The following ADRA1B variants were observed in gnomAD, a reference collection of about 807,000 sequenced individuals.
ADRA1B encodes the protein alpha-1B adrenergic receptor.
A neutral mutation model predicts 17.9 loss-of-function variants in ADRA1B; 17 were observed. The ratio of observed to expected loss-of-function variants is 0.95; its 90% CI spans 0.65 to 1.42. The LOEUF (loss-of-function observed/expected upper bound fraction) is 1.42. Among genes scored for constraint, ADRA1B ranks in the 40% most tolerant of loss-of-function variants. The pLI is 0.00. For missense variants in ADRA1B, 681 were observed against 722.1 expected, an observed-to-expected ratio of 0.94 and a Z score of 0.65; for synonymous variants, 366 against 327.6, an observed-to-expected ratio of 1.12 and a Z score of -1.27.
chr5:159,948,856 A>G (rs1755349187), intron 1 of ADRA1B, among the ~76,000 whole-genome samples: 1 of 152,194 alleles, frequency 6.6e-6, no homozygotes, highest in Non-Finnish European at 1.5e-5. Context: ...TTGAGTATTT[A>G]TTTTGTCTCA....
the ADRA1B span, among the ~76,000 whole-genome samples, chr5:159,981,616 C>T: frequency 2.0e-5 from 3 of 152,182 alleles, no homozygotes; most frequent in East Asian, 5.8e-4. Context: ...CTGCCTCAGC[C>T]TCCCGAATAG....
the ADRA1B span, among the ~76,000 whole-genome samples, chr5:159,985,169 T>C: frequency 6.6e-6 from 1 of 152,080 alleles, no homozygotes; most frequent in East Asian, 1.9e-4. Context: ...TATTTACAGG[T>C]TTCACACCCT....
intron 1 of ADRA1B, among the ~76,000 whole-genome samples, chr5:159,889,498 G>A (rs1753959705): frequency 6.6e-6 from 1 of 152,158 alleles, no homozygotes; most frequent in Non-Finnish European, 1.5e-5. Context: ...TGACTTGCCA[G>A]TTTCCCTTGT....
intron 1 of ADRA1B, among the ~76,000 whole-genome samples, chr5:159,892,905 G>A (rs558110532): frequency 1.3e-5 from 2 of 152,208 alleles, no homozygotes; most frequent in East Asian, 1.9e-4. Context: ...CCGAGGATTC[G>A]CTACACTGTC....
intron 1 of ADRA1B, among the ~76,000 whole-genome samples, chr5:159,936,330 G>T (rs1354557570): frequency 2.6e-5 from 4 of 152,270 alleles, no homozygotes; most frequent in African/African-American, 7.2e-5. Flanking sequence ...ATGAACATTT[G>T]TTCAGTAAAC....
At chr5:159,969,053 G>A (rs2113295148) in intron 1 of ADRA1B, among the ~76,000 whole-genome samples, 1 of 152,328 alleles carries the variant, frequency 6.6e-6, no homozygotes, top group East Asian at 1.9e-4. Context: ...TCTGTACAGA[G>A]TCTTAATCCA....
At chr5:159,936,507 TAAATC>T (rs1308080844) in intron 1 of ADRA1B, among the ~76,000 whole-genome samples, 1 of 152,178 alleles carries the variant, frequency 6.6e-6, no homozygotes, top group Non-Finnish European at 1.5e-5. Flanking sequence ...TACCATTTGT[TAAATC>T]AAAATGATAA....
the ADRA1B span, among the ~76,000 whole-genome samples, chr5:159,978,331 T>C: frequency 6.6e-6 from 1 of 152,202 alleles, no homozygotes; most frequent in Non-Finnish European, 1.5e-5. Context: ...GGGAAGCACA[T>C]GGCAGGGGGT....
chr5:159,951,390 A>T, intron 1 of ADRA1B: 1 of 890,630 alleles, frequency 1.1e-6, no homozygotes, highest in East Asian at 2.4e-5. Context: ...GAGGTCAATG[A>T]AGGGTCATTA....
chr5:159,973,217 G>T (rs1257570947), downstream of ADRA1B, among the ~76,000 whole-genome samples: 1 of 152,202 alleles, frequency 6.6e-6, no homozygotes, highest in African/African-American at 2.4e-5. Context: ...CGCCTTTGCG[G>T]TTACTGACCT....
chr5:159,983,872 AT>A, the ADRA1B span, among the ~76,000 whole-genome samples: 4 of 151,806 alleles, frequency 2.6e-5, no homozygotes, highest in Non-Finnish European at 4.4e-5. Flanking sequence ...CTCCACGTTT[AT>A]ACTCCCTGAC....
chr5:159,874,229 C>T (rs889358925), intron 1 of ADRA1B, among the ~76,000 whole-genome samples: 19 of 152,226 alleles, frequency 1.2e-4, no homozygotes, highest in Admixed American at 4.6e-4. Context: ...CTTGGTGGGG[C>T]TTCCAAAAGC....
intron 1 of ADRA1B, among the ~76,000 whole-genome samples, chr5:159,920,433 A>G (rs1754447786): frequency 6.6e-6 from 1 of 152,198 alleles, no homozygotes; most frequent in East Asian, 1.9e-4. Context: ...CTAGCATCTC[A>G]GGTCCTGAGC....
At chr5:159,873,178 A>G (rs1753767389) in intron 1 of ADRA1B, among the ~76,000 whole-genome samples, 1 of 152,148 alleles carries the variant, frequency 6.6e-6, no homozygotes. Context: ...TCTATCATTG[A>G]TAGGCATTTA....
chr5:159,881,310 T>TCTCTCTCC (rs1753860664), intron 1 of ADRA1B, among the ~76,000 whole-genome samples: 1 of 150,156 alleles, frequency 6.7e-6, no homozygotes, highest in Admixed American at 6.7e-5. Flanking sequence ...TCTCTCTCTC[T>TCTCTCTCC]CTCTCTCTCT....
intron 1 of ADRA1B, among the ~76,000 whole-genome samples, chr5:159,970,733 G>T (rs1441942245): frequency 2.6e-5 from 4 of 152,176 alleles, no homozygotes; most frequent in Non-Finnish European, 5.9e-5. Context: ...CCACACCCCT[G>T]TGTGAACTTG....
chr5:159,974,122 G>A (rs565959577), downstream of ADRA1B, among the ~76,000 whole-genome samples: 1 of 152,282 alleles, frequency 6.6e-6, no homozygotes, highest in East Asian at 1.9e-4. Flanking sequence ...GAAAAGTATA[G>A]GGGTGTCAGG....
chr5:159,907,790 G>T (rs919967518), intron 1 of ADRA1B, among the ~76,000 whole-genome samples: 1 of 152,118 alleles, frequency 6.6e-6, no homozygotes, highest in African/African-American at 2.4e-5. Flanking sequence ...AAAGTAACTT[G>T]CCCAAGGTCA....
the ADRA1B span, among the ~76,000 whole-genome samples, chr5:159,983,449 C>T: frequency 3.9e-5 from 6 of 152,238 alleles, no homozygotes; most frequent in Non-Finnish European, 8.8e-5. Flanking sequence ...CGGTCTCTCA[C>T]TCTCATTACT....
Sources: allele counts gnomAD v4.1 joint callset (sites outside exome capture counted in the v4.1 genomes callset), GRCh38; gene constraint gnomAD v4.1.1; transcripts MANE v1.5; gene names NCBI Gene and HGNC (gene_info 2026-07-23, HGNC 2026-07-21).